The following DNTTIP1 variants were observed in gnomAD, a reference collection of about 807,000 sequenced individuals.
The protein encoded by DNTTIP1 is deoxynucleotidyltransferase terminal interacting protein 1.
Under a neutral mutation model 52.9 loss-of-function variants are expected in DNTTIP1, and 22 were observed. That is an observed-to-expected ratio of 0.42 (90% CI 0.30 to 0.59). The LOEUF is 0.59. Ranked by LOEUF, DNTTIP1 falls within the 20% of genes least tolerant of loss-of-function variation. The pLI is 0.22. For missense variants in DNTTIP1, 286 were observed against 435.5 expected (o/e 0.66, Z 3.06); for synonymous variants, 136 against 155.1 (o/e 0.88, Z 0.92).
chr20:45,807,028 C>G (rs545114198), intron 10 of DNTTIP1, among the ~76,000 whole-genome samples: 1 of 151,538 alleles, frequency 6.6e-6, no homozygotes, highest in Admixed American at 6.6e-5. Context: ...ATTTGTTTTT[C>G]TTTTTTCTTT....
At chr20:45,800,113 C>T (rs987986514) in intron 4 of DNTTIP1, among the ~76,000 whole-genome samples, 3 of 150,086 alleles carry the variant, frequency 2.0e-5, no homozygotes, top group African/African-American at 7.3e-5. Context: ...GAGCAAGATT[C>T]CATGTCAAAA....
Position 45,811,046 on chromosome 20 carries a change from G to A in DNTTIP1, c.852-11G>A. Reference sequence around the variant, plus strand: ...ACTTCCCCCAACTTCTCTCTTCAATGTCTGTTCCAGAGGATGCCTGGATCT... The same window carrying A: ...ACTTCCCCCAACTTCTCTCTTCAATATCTGTTCCAGAGGATGCCTGGATCT... On this transcript the variant is annotated splice_polypyrimidine_tract_variant and intron_variant, in intron 12 of 12. Coordinates refer to ENST00000372622, the MANE Select transcript of DNTTIP1 (RefSeq NM_052951.3). The A allele has an allele frequency of 6.2e-7, 1 of 1,613,544 alleles. No individual in the cohort carries two copies. Among genetic ancestry groups the A allele is most frequent in the Non-Finnish European group, 8.5e-7 (1 of 1,179,640 alleles).
intron 4 of DNTTIP1, among the ~76,000 whole-genome samples, chr20:45,798,524 C>T (rs1055300297): frequency 2.0e-5 from 3 of 150,690 alleles, no homozygotes; most frequent in Non-Finnish European, 4.5e-5. Flanking sequence ...AGCCTACCCT[C>T]GACTGGCTTC....
intron 4 of DNTTIP1, among the ~76,000 whole-genome samples, chr20:45,798,034 T>C (rs1981299339): frequency 6.6e-6 from 1 of 152,186 alleles, no homozygotes; most frequent in East Asian, 1.9e-4. Context: ...CATGCACACA[T>C]ATGTTTATTG....
chr20:45,793,883 G>C (rs1696495555), intron 2 of DNTTIP1, 38 bp from the exon 3 acceptor site: 1 of 1,339,440 alleles, frequency 7.5e-7, no homozygotes, highest in Non-Finnish European at 1.0e-6. Flanking sequence ...AATATGTTTG[G>C]GACATGCCCC....
intron 10 of DNTTIP1, among the ~76,000 whole-genome samples, 169 bp from the exon 11 acceptor site, chr20:45,808,945 G>A (rs1023356080): frequency 2.6e-5 from 4 of 152,136 alleles, no homozygotes; most frequent in Non-Finnish European, 4.4e-5. Flanking sequence ...GTCTGCCCTC[G>A]GGGTTGGCTT....
At chr20:45,801,253 G>C in intron 5 of DNTTIP1, 111 bp downstream of exon 5, 1 of 1,378,344 alleles carries the variant, frequency 7.3e-7, no homozygotes, top group Non-Finnish European at 1.0e-6. Context: ...GTAGGACCAG[G>C]CCCACACAGC....
Position 45,810,753 on chromosome 20 carries a change from A to G in DNTTIP1, c.796-132A>G, listed in dbSNP as rs192039756. 3.2e-4 allele frequency: 239 copies of G among 753,122 alleles called. No homozygotes were observed. In the East Asian group the frequency reaches 4.7e-3, roughly 15 times the overall value. 46.7% of individuals were successfully genotyped at this position (753,122 alleles called of 1,614,324 possible). A position where few individuals can be genotyped will look rare whatever the true frequency, so the allele number is the denominator to read the frequency against. Reference sequence around the variant, plus strand: ...CATCCCTCCCCACTTACTCTTCCGTACTAAATTGTAAACCGCATCCCCCGC... The same window carrying G: ...CATCCCTCCCCACTTACTCTTCCGTGCTAAATTGTAAACCGCATCCCCCGC... On this transcript the variant is annotated intron_variant, in intron 11 of 12. Coordinates refer to ENST00000372622, the MANE Select transcript of DNTTIP1 (RefSeq NM_052951.3).
chr20:45,795,368 C>T lies in DNTTIP1; in HGVS notation c.297C>T (p.Asn99=), dbSNP rs749832398. ...YMKFFQKAAL[N]VRDNVGEEVD... is the part of the protein sequence containing the mutation. ...AGTTCTTCCAGAAGGCAGCACTGAA[C>T]GTGCGAGACAATGTTGGGGAGGAGG... The change falls in exon 4 of 13, where the codon AAC becomes AAT. Residue 99 remains asparagine (N), a synonymous_variant. Coordinates refer to ENST00000372622, the MANE Select transcript of DNTTIP1 (RefSeq NM_052951.3). 3.5e-5 allele frequency: 56 copies of T among 1,610,452 alleles called. No homozygotes were observed. The highest frequency in any genetic ancestry group is 1.7e-4 in the South Asian group (15 of 90,306).
At chr20:45,810,854 C>T in intron 11 of DNTTIP1, 31 bp from the exon 12 acceptor site, 1 of 1,607,706 alleles carries the variant, frequency 6.2e-7, no homozygotes, top group African/African-American at 1.3e-5. Flanking sequence ...ATGAATCAGG[C>T]AATGACCACT....
chr20:45,803,388 T>C lies in DNTTIP1; in HGVS notation c.603+10T>C. ...CCGGGAAGGCCCCAAGGTATGATTATGTGAGCATGGCAGAGATCACGATCC... is the reference window on the plus strand; with the variant it reads ...CCGGGAAGGCCCCAAGGTATGATTACGTGAGCATGGCAGAGATCACGATCC... On this transcript the variant is annotated intron_variant, in intron 8 of 12. Transcript: ENST00000372622. The C allele has an allele frequency of 6.2e-7, 1 of 1,614,108 alleles. No individual in the cohort carries two copies. The highest frequency in any genetic ancestry group is 1.1e-5 in the South Asian group (1 of 91,086).
At chr20:45,807,357 G>A (rs1981683301) in intron 10 of DNTTIP1, among the ~76,000 whole-genome samples, 2 of 152,010 alleles carry the variant, frequency 1.3e-5, no homozygotes, top group African/African-American at 4.8e-5. Context: ...CCTGAGCTCA[G>A]ATGATCCACA....
At chr20:45,808,759 G>C (rs1981730984) in intron 10 of DNTTIP1, among the ~76,000 whole-genome samples, 1 of 152,132 alleles carries the variant, frequency 6.6e-6, no homozygotes, top group Non-Finnish European at 1.5e-5. Flanking sequence ...CCCGATTTTT[G>C]TTTTATTATG....
At chr20:45,810,604 C>T (rs1466750381) in intron 11 of DNTTIP1, among the ~76,000 whole-genome samples, 1 of 148,068 alleles carries the variant, frequency 6.8e-6, no homozygotes, top group Non-Finnish European at 1.5e-5. Flanking sequence ...TAATTTTCAC[C>T]ACACCATTCA....
chr20:45,798,503 A>G (rs1981319143), intron 4 of DNTTIP1, among the ~76,000 whole-genome samples: 1 of 152,076 alleles, frequency 6.6e-6, no homozygotes, highest in Non-Finnish European at 1.5e-5. Context: ...ATGCCTTACC[A>G]TGACCCACAG....
intron 4 of DNTTIP1, among the ~76,000 whole-genome samples, chr20:45,800,729 ATATATATATATATATATATATATATAT>A (rs1981433981): frequency 8.5e-5 from 4 of 46,914 alleles, no homozygotes; most frequent in African/African-American, 1.5e-4. Flanking sequence ...ATATATATAT[ATATATATATATATATATATATATATAT>A]TTGGAAGTGG....
intron 5 of DNTTIP1, 47 bp downstream of exon 5, chr20:45,801,189 G>C (rs1031929942): frequency 6.3e-7 from 1 of 1,584,192 alleles, no homozygotes; most frequent in African/African-American, 1.3e-5. Context: ...GGTCCTTCAG[G>C]CTGGGAGGCA....
In DNTTIP1 at chr20:45,793,809, A is replaced by C. The variant is rs949181633; in HGVS notation, c.177-112A>C. The C allele has an allele frequency of 5.5e-6, 3 of 550,394 alleles. No homozygotes were observed. The Admixed American group carries it at 1.2e-4, about 22-fold the overall frequency. The allele number at this position is 550,394 out of a possible 1,614,324, so 34.1% of individuals were successfully genotyped here. On this transcript the variant is annotated intron_variant, in intron 2 of 12. Transcript: ENST00000372622. ...AATCTGAGCATGTAGCTAGTTTTCAATAAAAGCTGTCTAGTATTGTTAAGG... is the reference window on the plus strand; with the variant it reads ...AATCTGAGCATGTAGCTAGTTTTCACTAAAAGCTGTCTAGTATTGTTAAGG...
At chr20:45,799,090 TG>T (rs942628819) in intron 4 of DNTTIP1, among the ~76,000 whole-genome samples, 6 of 152,210 alleles carry the variant, frequency 3.9e-5, no homozygotes, top group Admixed American at 2.6e-4. Flanking sequence ...AGCATAGACA[TG>T]GGGCAGACTA....
Sources: gnomAD v4.1 joint callset for allele counts (sites outside exome capture counted in the v4.1 genomes callset) on GRCh38, gnomAD v4.1.1 for gene constraint, MANE v1.5 for transcripts, NCBI Gene and HGNC (gene_info 2026-07-23, HGNC 2026-07-21) for gene names.